Variants in SPAG16 observed in about 807,000 individuals in gnomAD.
The protein encoded by SPAG16 is sperm associated antigen 16.
SPAG16 carries 86 observed loss-of-function variants against 80.4 expected under a neutral mutation model. That is an observed-to-expected ratio of 1.07 (90% CI 0.90 to 1.28). SPAG16 has a LOEUF of 1.28. Among genes scored for constraint, SPAG16 ranks in the 50% most tolerant of loss-of-function variants. The pLI is 0.00. For synonymous variants in SPAG16, 294 were observed against 265.9 expected, an observed-to-expected ratio of 1.11 and a Z score of -1.03; for missense variants, 870 against 765.3, an observed-to-expected ratio of 1.14 and a Z score of -1.61.
chr2:214,335,755 CT>C (rs71037369), intron 15 of SPAG16, among the ~76,000 whole-genome samples: 240 of 90,554 alleles, frequency 2.7e-3, no homozygotes, highest in African/African-American at 8.8e-3. Flanking sequence ...TATTAGGATT[CT>C]TTTTTTTTTT....
Position 213,992,839 on chromosome 2 carries a change from A to G in SPAG16, c.1401-21112A>G, listed in dbSNP as rs548324726. 7.0e-4 allele frequency among the ~76,000 whole-genome samples: 106 copies of G among 152,366 alleles called. 1 individual carries two copies. The highest frequency in any genetic ancestry group is 2.5e-3 in the African/African-American group (103 of 41,584). ...ACAAAGTCATATAAAAGTTGGCCTT[A>G]TAATACAGATGTCTAATAGGCATAT... On this transcript the variant is annotated intron_variant, in intron 12 of 15. Transcript: ENST00000331683.
chr2:213,494,391 A>G (rs2074394361), intron 10 of SPAG16, among the ~76,000 whole-genome samples: 1 of 152,102 alleles, frequency 6.6e-6, no homozygotes, highest in Admixed American at 6.5e-5. Flanking sequence ...TATCTCCCTC[A>G]TTTTTGCAAA....
chr2:213,811,056 A>C lies in SPAG16; in HGVS notation c.1071-51429A>C, dbSNP rs1463776802. On this transcript the variant is annotated intron_variant, in intron 10 of 15. Transcript: ENST00000331683. ...AGGGTCTCCTGGAAAATTTGTTTTCATATTGACTTTTATTAAATTTTAAAA... is the reference window on the plus strand; with the variant it reads ...AGGGTCTCCTGGAAAATTTGTTTTCCTATTGACTTTTATTAAATTTTAAAA... 2.0e-5 allele frequency among the ~76,000 whole-genome samples: 3 copies of C among 152,184 alleles called. No homozygotes were observed. In the East Asian group the frequency reaches 5.8e-4, roughly 29 times the overall value.
intron 10 of SPAG16, among the ~76,000 whole-genome samples, chr2:213,709,474 C>G (rs2065892040): frequency 1.3e-5 from 2 of 152,110 alleles, no homozygotes; most frequent in Non-Finnish European, 2.9e-5. Context: ...TTCAGTTAAT[C>G]AAAGTTTTAA....
intron 10 of SPAG16, among the ~76,000 whole-genome samples, chr2:213,824,296 G>A (rs549827488): frequency 4.5e-4 from 68 of 152,242 alleles, no homozygotes; most frequent in Non-Finnish European, 8.2e-4. Flanking sequence ...CAAAATGGAC[G>A]TACCTTAGAC....
At position 213,941,300 on chromosome 2, in the gene SPAG16, A is replaced by C. The variant is rs755213498; in HGVS notation, c.1400+11155A>C. On this transcript the variant is annotated intron_variant, in intron 12 of 15. Transcript: ENST00000331683. ...CCTGAGAATATCAATTTCCTTTTCT[A>C]ATTGAGCCTGTAACTCCTTCTTTTT... is the stretch of plus-strand genomic sequence containing the variant. Among the ~76,000 whole-genome samples the C allele has an allele frequency of 1.4e-3, 214 of 152,260 alleles. 1 individual carries two copies. Among genetic ancestry groups the C allele is most frequent in the Non-Finnish European group, 2.5e-3 (171 of 68,016 alleles).
chr2:213,895,762 T>C (rs1014601714), intron 11 of SPAG16, among the ~76,000 whole-genome samples: 2 of 152,098 alleles, frequency 1.3e-5, no homozygotes, highest in South Asian at 4.1e-4. Context: ...CCCCATCTTT[T>C]ACCACACACA....
intron 10 of SPAG16, among the ~76,000 whole-genome samples, chr2:213,645,501 G>C (rs1372321257): frequency 6.6e-6 from 1 of 152,106 alleles, no homozygotes; most frequent in African/African-American, 2.4e-5. Flanking sequence ...CTTCCTTCAA[G>C]GCAGTGGGTT....
At chr2:213,698,765 A>C (rs1008133656) in intron 10 of SPAG16, among the ~76,000 whole-genome samples, 1 of 152,158 alleles carries the variant, frequency 6.6e-6, no homozygotes, top group Non-Finnish European at 1.5e-5. Flanking sequence ...TGGCACACTC[A>C]TGTCCGACTG....
chr2:213,890,286 C>T (rs1329125927), intron 11 of SPAG16, among the ~76,000 whole-genome samples: 1 of 151,948 alleles, frequency 6.6e-6, no homozygotes, highest in Non-Finnish European at 1.5e-5. Flanking sequence ...ATAGAGAAAC[C>T]ATTGTGTTAA....
At chr2:214,035,960 A>T (rs576318195) in intron 13 of SPAG16, among the ~76,000 whole-genome samples, 1 of 152,236 alleles carries the variant, frequency 6.6e-6, no homozygotes, top group South Asian at 2.1e-4. Flanking sequence ...GCCGCTGTAG[A>T]TTAACCACCA....
intron 15 of SPAG16, among the ~76,000 whole-genome samples, chr2:214,319,914 AGCT>A (rs954942371): frequency 3.9e-5 from 6 of 152,142 alleles, no homozygotes; most frequent in African/African-American, 1.5e-4. Context: ...CTTTTCAAAT[AGCT>A]GCCTTCATCT....
chr2:213,973,612 T>C (rs147360779), intron 12 of SPAG16, among the ~76,000 whole-genome samples: 1 of 151,202 alleles, frequency 6.6e-6, no homozygotes, highest in Admixed American at 6.6e-5. Context: ...CCACAATTTT[T>C]GGCTACCATT....
intron 13 of SPAG16, among the ~76,000 whole-genome samples, chr2:214,019,240 A>T (rs1036020889): frequency 2.6e-5 from 4 of 151,998 alleles, no homozygotes; most frequent in African/African-American, 9.7e-5. Flanking sequence ...ATGCAATGAG[A>T]TTGTTAGTCA....
intron 15 of SPAG16, among the ~76,000 whole-genome samples, chr2:214,171,740 A>G (rs1030839536): frequency 6.6e-6 from 1 of 151,998 alleles, no homozygotes; most frequent in Non-Finnish European, 1.5e-5. Context: ...TAGTTTAAGA[A>G]TAAGGCTTGA....
chr2:213,701,441 G>A (rs115781709), intron 10 of SPAG16, among the ~76,000 whole-genome samples: 2,140 of 152,258 alleles, frequency 0.014, 25 homozygotes, highest in South Asian at 0.035. Flanking sequence ...CTCGGTCTCG[G>A]TGTCCACTCT....
At chr2:213,603,587 T>G (rs1012027625) in intron 10 of SPAG16, among the ~76,000 whole-genome samples, 6 of 152,232 alleles carry the variant, frequency 3.9e-5, no homozygotes. Flanking sequence ...AGATCTTATA[T>G]CCACATAGAA....
intron 10 of SPAG16, among the ~76,000 whole-genome samples, chr2:213,588,808 CAAAAAAAAAAAAAAAAAAAAAAA>C (rs59813410): frequency 3.5e-4 from 10 of 28,952 alleles, no homozygotes; most frequent in Non-Finnish European, 4.9e-4. Flanking sequence ...GACTCCGTCT[CAAAAAAAAAAAAAAAAAAAAAAA>C]AAAAAAAAAA....
intron 10 of SPAG16, among the ~76,000 whole-genome samples, chr2:213,512,196 G>A (rs1012154786): frequency 1.3e-4 from 20 of 152,098 alleles, no homozygotes; most frequent in African/African-American, 4.1e-4. Flanking sequence ...TCAATGATGA[G>A]GGAAAGAAGC....
Sources: gnomAD v4.1 joint callset for allele counts (sites outside exome capture counted in the v4.1 genomes callset) on GRCh38, gnomAD v4.1.1 for gene constraint, MANE v1.5 for transcripts, NCBI Gene and HGNC (gene_info 2026-07-23, HGNC 2026-07-21) for gene names.